The following FAF2 variants were observed in gnomAD, a reference collection of about 807,000 sequenced individuals.
FAF2 encodes the protein FAS-associated factor 2.
Under a neutral mutation model 62.3 loss-of-function variants are expected in FAF2, and 9 were observed. The ratio of observed to expected loss-of-function variants is 0.14; its 90% CI spans 0.09 to 0.25. FAF2 has a LOEUF of 0.25. FAF2 is among the 10% of genes least tolerant of loss of function. The pLI is 1.00. For synonymous variants in FAF2, 202 were observed against 198.0 expected, an observed-to-expected ratio of 1.02 and a Z score of -0.17; for missense variants, 368 against 556.2, an observed-to-expected ratio of 0.66 and a Z score of 3.40.
intron 10 of FAF2, among the ~76,000 whole-genome samples, chr5:176,503,432 G>T (rs960487554): frequency 6.6e-6 from 1 of 152,004 alleles, no homozygotes; most frequent in Non-Finnish European, 1.5e-5. Context: ...GCGTGGGCCT[G>T]TAATCCCAGC....
chr5:176,463,740 T>C lies in FAF2; in HGVS notation c.63+15270T>C, dbSNP rs1399829405. On this transcript the variant is annotated intron_variant, in intron 1 of 10. Transcript: ENST00000261942. ...TTATTGCATGTTTTTTTTTTTTTTT[T>C]TTTCCTTGAGACAGAGTCTTGCTGT... 2.0e-5 allele frequency among the ~76,000 whole-genome samples: 3 copies of C among 151,448 alleles called. No homozygotes were observed. The South Asian group carries it at 6.3e-4, about 32-fold the overall frequency.
intron 10 of FAF2, among the ~76,000 whole-genome samples, chr5:176,502,522 G>A (rs1561829382): frequency 6.6e-6 from 1 of 152,094 alleles, no homozygotes; most frequent in Non-Finnish European, 1.5e-5. Flanking sequence ...AGAGGTTGCG[G>A]TGAGCCGAGA....
chr5:176,488,831 G>A (rs1259214008), intron 3 of FAF2, 120 bp from the exon 4 acceptor site: 3 of 741,792 alleles, frequency 4.0e-6, no homozygotes, highest in Non-Finnish European at 7.0e-6. Flanking sequence ...AGAAGGAACT[G>A]TACTTTAGAG....
intron 1 of FAF2, among the ~76,000 whole-genome samples, chr5:176,452,909 A>G (rs980892759): frequency 4.6e-5 from 7 of 152,258 alleles, no homozygotes; most frequent in Non-Finnish European, 8.8e-5. Context: ...AGTACAGAAC[A>G]GGATGACACT....
At position 176,498,901 on chromosome 5, in the gene FAF2, G is replaced by A. The variant is rs751386651; in HGVS notation, c.840-13G>A. The A allele has an allele frequency of 3.2e-5, 49 of 1,538,120 alleles. No individual in the cohort carries two copies. Among genetic ancestry groups the A allele is most frequent in the South Asian group, 3.1e-4 (25 of 80,270 alleles). ...GTGCTGTTTTTCTTCTCTTGCTTTTGATCTATTCACAGGGAAGAAAGAAAC... is the reference window on the plus strand; with the variant it reads ...GTGCTGTTTTTCTTCTCTTGCTTTTAATCTATTCACAGGGAAGAAAGAAAC... On this transcript the variant is annotated splice_polypyrimidine_tract_variant and intron_variant, in intron 8 of 10. Coordinates refer to ENST00000261942, the MANE Select transcript of FAF2 (RefSeq NM_014613.3).
At chr5:176,502,464 C>T (rs1243758382) in intron 10 of FAF2, among the ~76,000 whole-genome samples, 3 of 152,038 alleles carry the variant, frequency 2.0e-5, no homozygotes, top group Non-Finnish European at 4.4e-5. Flanking sequence ...CCTGTAATCT[C>T]AGCGACTTGG....
At chr5:176,460,440 T>C (rs1422153685) in intron 1 of FAF2, among the ~76,000 whole-genome samples, 1 of 152,066 alleles carries the variant, frequency 6.6e-6, no homozygotes, top group Non-Finnish European at 1.5e-5. Context: ...TTCTGACTGG[T>C]ACAAAATGGT....
rs1755732929 is a variant in FAF2 at position 176,508,991 on chromosome 5, T to C, written c.*2041T>C. On this transcript the variant is annotated 3_prime_UTR_variant, in exon 11 of 11. Coordinates refer to ENST00000261942, the MANE Select transcript of FAF2 (RefSeq NM_014613.3). ...TTTTCCATCATAATTCAGTCTCTTC[T>C]TATTCTACAGTGTGCACTTTATGCC... 1 of 152,230 alleles carries C rather than the reference T, an allele frequency of 6.6e-6. No individual in the cohort carries two copies. Among genetic ancestry groups the C allele is most frequent in the South Asian group, 2.1e-4 (1 of 4,832 alleles). The allele number at this position is 152,230 out of a possible 1,614,324, so 9.4% of individuals were successfully genotyped here. A position where few individuals can be genotyped will look rare whatever the true frequency, so the allele number is the denominator to read the frequency against.
chr5:176,456,112 C>T (rs1468890457), intron 1 of FAF2, among the ~76,000 whole-genome samples: 1 of 152,086 alleles, frequency 6.6e-6, no homozygotes, highest in African/African-American at 2.4e-5. Context: ...GCTCTTGTTG[C>T]CCAGGCTGCA....
At chr5:176,448,564 C>T in intron 1 of FAF2, 94 bp downstream of exon 1, 2 of 1,243,674 alleles carry the variant, frequency 1.6e-6, no homozygotes, top group Non-Finnish European at 2.2e-6. Context: ...GGGTTCAGAT[C>T]CTTCTCAGAC....
chr5:176,498,979 G>T lies in FAF2; in HGVS notation c.905G>T (p.Arg302Ile), dbSNP rs866757023. The T allele has an allele frequency of 1.2e-6, 2 of 1,613,556 alleles. No individual in the cohort carries two copies. Among genetic ancestry groups the T allele is most frequent in the Non-Finnish European group, 1.7e-6 (2 of 1,179,620 alleles). The change falls in exon 9 of 11, where the codon AGA becomes ATA. Residue 302 changes from arginine to isoleucine, a missense_variant. Arg to Ile is a moderately conservative substitution (Grantham distance 97). Around this residue, in one of 2 missense-constraint regions of FAF2, gnomAD observed 331 missense variants for 441.9 expected, o/e 0.75. Coordinates refer to ENST00000261942, the MANE Select transcript of FAF2 (RefSeq NM_014613.3). Reference protein sequence around the residue: ...QQDEAYLASLRADQEKERKKR... With the variant: ...QQDEAYLASLIADQEKERKKR... ...GATGAGGCCTACCTGGCCTCTCTCA[G>T]AGCTGACCAGGAGAAAGAAAGAAAG... is the stretch of plus-strand genomic sequence containing the variant.
intron 1 of FAF2, among the ~76,000 whole-genome samples, chr5:176,451,031 G>A (rs1026795112): frequency 6.6e-6 from 1 of 152,160 alleles, no homozygotes; most frequent in South Asian, 2.1e-4. Context: ...TAGATGCCAA[G>A]CATTATACCA....
chr5:176,464,109 A>G (rs1296348538), intron 1 of FAF2, among the ~76,000 whole-genome samples: 1 of 151,454 alleles, frequency 6.6e-6, no homozygotes, highest in African/African-American at 2.4e-5. Flanking sequence ...CACTTCTTCC[A>G]CTTATTCTTT....
Position 176,494,001 on chromosome 5 carries a change from A to G in FAF2, c.486A>G (p.Ala162=). ...PVFYQGTYSQ[A]LNDAKRELRF... The stretch of plus-strand genomic sequence containing the variant: ...GAGTGACCTTCTCTTTCTCACAGGC[A>G]CTTAACGATGCCAAAAGGGAGCTTC... The change falls in exon 6 of 11, where the codon GCA becomes GCG. Residue 162 remains alanine, a splice_region_variant and synonymous_variant. Transcript: ENST00000261942. The surrounding 1 kb of genome is among the most constrained non-coding windows in gnomAD (Gnocchi z 4.0). 1 of 1,612,644 alleles carries G rather than the reference A, an allele frequency of 6.2e-7. No homozygotes were observed. Among genetic ancestry groups the G allele is most frequent in the East Asian group, 2.2e-5 (1 of 44,846 alleles).
intron 10 of FAF2, 48 bp from the exon 11 acceptor site, chr5:176,506,720 T>C (rs1755691087): frequency 6.6e-7 from 1 of 1,505,756 alleles, no homozygotes; most frequent in Non-Finnish European, 9.2e-7. Context: ...TGTGTGTGTG[T>C]ATTTCTGTTT....
At chr5:176,506,662 A>C in intron 10 of FAF2, 106 bp from the exon 11 acceptor site, 3 of 851,390 alleles carry the variant, frequency 3.5e-6, no homozygotes, top group Non-Finnish European at 5.6e-6. Flanking sequence ...CATCCTGGGG[A>C]GAGTTGGGGT....
rs1471142202 is a variant in FAF2 at position 176,509,146 on chromosome 5, C to G, written c.*2196C>G. On this transcript the variant is annotated 3_prime_UTR_variant, in exon 11 of 11. Coordinates refer to ENST00000261942, the MANE Select transcript of FAF2 (RefSeq NM_014613.3). Reference sequence around the variant, plus strand: ...TACTTTAGGTTTCAAGAGGATTCACCGGAAGCACATGCCCCGGTCTAGTCC... The same window carrying G: ...TACTTTAGGTTTCAAGAGGATTCACGGGAAGCACATGCCCCGGTCTAGTCC... 1 of 152,192 alleles carries G rather than the reference C, an allele frequency of 6.6e-6. No individual in the cohort carries two copies. The highest frequency in any genetic ancestry group is 6.6e-5 in the Admixed American group (1 of 15,262). The allele number at this position is 152,192 out of a possible 1,614,324, so 9.4% of individuals were successfully genotyped here.
At chr5:176,473,892 C>T (rs1377143825) in intron 1 of FAF2, among the ~76,000 whole-genome samples, 1 of 152,194 alleles carries the variant, frequency 6.6e-6, no homozygotes, top group East Asian at 1.9e-4. Context: ...GCATGAGCCA[C>T]CACTCCCAGC....
At chr5:176,460,449 G>GT (rs1414487161) in intron 1 of FAF2, among the ~76,000 whole-genome samples, 3 of 151,018 alleles carry the variant, frequency 2.0e-5, no homozygotes, top group African/African-American at 7.3e-5. Flanking sequence ...GTACAAAATG[G>GT]TAACTCATTG....
Sources: gnomAD v4.1 joint callset for allele counts (sites outside exome capture counted in the v4.1 genomes callset) on GRCh38, gnomAD v4.1.1 for gene constraint, gnomAD v4.1.1 regional missense constraint, Gnocchi (gnomAD v3.1) non-coding constraint, MANE v1.5 for transcripts, NCBI Gene and HGNC (gene_info 2026-07-23, HGNC 2026-07-21) for gene names.